The following NACC2 variants were observed in gnomAD, a reference collection of about 807,000 sequenced individuals.
NACC2 encodes the protein NACC family member 2.
In NACC2, 8 loss-of-function variants were observed where a neutral mutation model predicts 25.1. The ratio of observed to expected loss-of-function variants is 0.32; its 90% CI spans 0.19 to 0.57. The LOEUF (loss-of-function observed/expected upper bound fraction) is 0.57. Among genes scored for constraint, NACC2 ranks in the 20% least tolerant of loss-of-function variants. The pLI, the probability that NACC2 is intolerant of heterozygous loss-of-function variation, is 0.89. For synonymous variants in NACC2, 435 were observed against 294.7 expected (o/e 1.48, Z -4.88); for missense variants, 644 against 650.2 (o/e 0.99, Z 0.10).
chr9:136,086,061 A>AG lies in NACC2; in HGVS notation c.-60+9127dup, dbSNP rs1830376209. Among the ~76,000 whole-genome samples, 1 of 152,224 alleles carries AG rather than the reference A, an allele frequency of 6.6e-6. No individual in the cohort carries two copies. Among genetic ancestry groups the AG allele is most frequent in the Non-Finnish European group, 1.5e-5 (1 of 68,030 alleles). On this transcript the variant is annotated intron_variant, in intron 1 of 5. Transcript: ENST00000277554. This position sits in a 1 kb window ranked among gnomAD's most constrained non-coding sequence, Gnocchi z 5.6. ...AGAGCCCGGAGTCCGGGCGCCACGC[A>AG]GGGCAGCTCCGACGGGCAGGAGCCG...
At position 136,013,949 on chromosome 9, in the gene NACC2, G is replaced by A. The variant is rs1215088655; in HGVS notation, c.1072C>T (p.Arg358Cys). 2.5e-6 allele frequency: 4 copies of A among 1,611,650 alleles called. No individual in the cohort carries two copies. Among genetic ancestry groups the A allele is most frequent in the African/African-American group, 1.3e-5 (1 of 74,818 alleles). Residue 358 changes from arginine to cysteine, a missense_variant, in exon 4 of 6, where the codon CGC becomes TGC. Arg to Cys is a radical substitution (Grantham distance 180). Transcript: ENST00000277554. The surrounding 1 kb of genome is among the most constrained non-coding windows in gnomAD (Gnocchi z 6.6). ...AGGTGGCAGTTCATCAGCTGGCCGC[G>A]TGTGATGTAGACCCCAGAGCCTGCA... ...LVAGSGVYITRGQLMNCHLCA... is the reference protein window; with the variant it reads ...LVAGSGVYITCGQLMNCHLCA...
rs112413089 is a variant in NACC2 at position 136,009,859 on chromosome 9, C to T, written c.*1657G>A. 0.022 allele frequency: 3,422 copies of T among 152,208 alleles called. 122 individuals are homozygous for T. The highest frequency in any genetic ancestry group is 0.072 in the African/African-American group (2,975 of 41,450). 9.4% of individuals were successfully genotyped at this position (152,208 alleles called of 1,614,324 possible). ...GCACACCGGAGGGGGTGCTGATGGG[C>T]GCAGGGCTGCACTTGTTTTGCAAGT... On this transcript the variant is annotated 3_prime_UTR_variant, in exon 6 of 6. Transcript: ENST00000277554.
At chr9:136,072,169 C>T (rs138498900) in intron 1 of NACC2, among the ~76,000 whole-genome samples, 2,205 of 151,866 alleles carry the variant, frequency 0.015, 32 homozygotes, top group Non-Finnish European at 0.021. Flanking sequence ...AACCGGGAGG[C>T]GGAGGTTGCA....
Position 136,011,785 on chromosome 9 carries a change from G to C in NACC2, c.1495C>G (p.Arg499Gly), listed in dbSNP as rs1362028619. The C allele has an allele frequency of 3.9e-6, 6 of 1,552,398 alleles. No homozygotes were observed. Among genetic ancestry groups the C allele is most frequent in the Non-Finnish European group, 5.2e-6 (6 of 1,148,774 alleles). The change falls in exon 6 of 6, where the codon CGG (arginine) becomes GGG (glycine). Residue 499 changes from arginine (R) to glycine (G), a missense_variant. Arg to Gly is a moderately radical substitution (Grantham distance 125). Coordinates refer to ENST00000277554, the MANE Select transcript of NACC2 (RefSeq NM_144653.5). ...ACGATGGTGGCGGCGTCGCCCCGCCGCTCGGCGTAGATGCGTTGCTCGAAC... is the reference window on the plus strand; with the variant it reads ...ACGATGGTGGCGGCGTCGCCCCGCCCCTCGGCGTAGATGCGTTGCTCGAAC... ...QVFEQRIYAE[R>G]RGDAATIVAL...
At chr9:136,047,582 G>A (rs1840750038) in intron 2 of NACC2, among the ~76,000 whole-genome samples, 1 of 152,220 alleles carries the variant, frequency 6.6e-6, no homozygotes, top group African/African-American at 2.4e-5. Context: ...ACAAAGCCCT[G>A]CAGGAACATG....
Position 136,074,935 on chromosome 9 carries a change from T to A in NACC2, c.-60+20254A>T, listed in dbSNP as rs117815158. 1.2e-3 allele frequency among the ~76,000 whole-genome samples: 182 copies of A among 152,284 alleles called. 2 individuals carry two copies. The East Asian group carries it at 0.034, about 28-fold the overall frequency. On this transcript the variant is annotated intron_variant, in intron 1 of 5. Transcript: ENST00000277554. ...GGCGGGAATGGGTTCTCGCACGGCC[T>A]CCTTCTGGGAGCCCGGGAGCTCTGT...
chr9:136,047,616 C>G (rs988925261), intron 2 of NACC2, among the ~76,000 whole-genome samples: 1 of 152,258 alleles, frequency 6.6e-6, no homozygotes, highest in Admixed American at 6.5e-5. Flanking sequence ...CCCCACCCCT[C>G]AGCCCCAATG....
At chr9:136,017,403 C>T (rs1022908455) in intron 2 of NACC2, among the ~76,000 whole-genome samples, 3 of 152,236 alleles carry the variant, frequency 2.0e-5, no homozygotes, top group East Asian at 3.9e-4. Flanking sequence ...CCTCATCTGA[C>T]GACCACCTGC....
At chr9:136,066,535 C>T (rs534871378) in intron 1 of NACC2, among the ~76,000 whole-genome samples, 8 of 152,232 alleles carry the variant, frequency 5.3e-5, no homozygotes, top group South Asian at 2.1e-4. Context: ...ATGTAGCGAT[C>T]GGGAATGCAA....
At chr9:136,042,861 CACAGAGACAA>C (rs1315037176) in intron 2 of NACC2, among the ~76,000 whole-genome samples, 1 of 147,860 alleles carries the variant, frequency 6.8e-6, no homozygotes. Flanking sequence ...CACACAGAGA[CACAGAGACAA>C]ACAGACACAC....
At chr9:136,079,958 C>T (rs1472621736) in intron 1 of NACC2, among the ~76,000 whole-genome samples, 3 of 152,226 alleles carry the variant, frequency 2.0e-5, no homozygotes, top group African/African-American at 7.2e-5. Flanking sequence ...GGAGAGGCGG[C>T]CCTCCTGGAG....
chr9:136,057,371 G>A (rs1266901510), intron 1 of NACC2, among the ~76,000 whole-genome samples: 1 of 152,180 alleles, frequency 6.6e-6, no homozygotes, highest in Non-Finnish European at 1.5e-5. Context: ...CTCGAAGGGT[G>A]GGGAGGGACA....
intron 1 of NACC2, among the ~76,000 whole-genome samples, chr9:136,079,715 C>T (rs909839052): frequency 1.3e-5 from 2 of 152,216 alleles, no homozygotes; most frequent in African/African-American, 4.8e-5. Context: ...AGCGTGGCTG[C>T]AGAAGCCAGA....
intron 2 of NACC2, among the ~76,000 whole-genome samples, chr9:136,030,345 C>T (rs537859159): frequency 6.6e-6 from 1 of 152,236 alleles, no homozygotes; most frequent in Non-Finnish European, 1.5e-5. Flanking sequence ...CGCGGTGGCT[C>T]ACGCCTGTAA....
chr9:136,056,991 G>A (rs1385790174), intron 1 of NACC2, among the ~76,000 whole-genome samples: 1 of 152,224 alleles, frequency 6.6e-6, no homozygotes, highest in East Asian at 1.9e-4. Context: ...GACACAGCAG[G>A]GGGTCTCTGG....
intron 1 of NACC2, among the ~76,000 whole-genome samples, chr9:136,063,318 T>TG (rs1841037858): frequency 6.6e-6 from 1 of 152,208 alleles, no homozygotes; most frequent in South Asian, 2.1e-4. Flanking sequence ...GCTGATCCTG[T>TG]GGAGATGCCT....
chr9:136,067,891 T>C (rs975726946), intron 1 of NACC2, among the ~76,000 whole-genome samples: 5 of 152,224 alleles, frequency 3.3e-5, no homozygotes, highest in African/African-American at 9.6e-5. Context: ...TTAGGCTATA[T>C]GGCATAGCCT....
In NACC2 at chr9:136,012,152, G is replaced by A. The variant is rs1052175709; in HGVS notation, c.1256-128C>T. ...GCTCCTGGGGCCCATGTGACCACCT[G>A]GGGCTCTCCTGGCCTCAGCCAGAAG... On this transcript the variant is annotated intron_variant, in intron 5 of 5. Coordinates refer to ENST00000277554, the MANE Select transcript of NACC2 (RefSeq NM_144653.5). The A allele has an allele frequency of 8.3e-6, 10 of 1,198,030 alleles. No homozygotes were observed. The African/African-American group carries it at 1.1e-4, about 13-fold the overall frequency. 74.2% of individuals were successfully genotyped at this position (1,198,030 alleles called of 1,614,324 possible). A position where few individuals can be genotyped will look rare whatever the true frequency, so the allele number is the denominator to read the frequency against.
At chr9:136,061,479 T>G (rs567213021) in intron 1 of NACC2, among the ~76,000 whole-genome samples, 1 of 152,268 alleles carries the variant, frequency 6.6e-6, no homozygotes, top group Non-Finnish European at 1.5e-5. Flanking sequence ...CCCATGGCAT[T>G]TGGCCGCAGG....
Sources: allele counts gnomAD v4.1 joint callset (sites outside exome capture counted in the v4.1 genomes callset), GRCh38; gene constraint gnomAD v4.1.1; non-coding constraint Gnocchi (gnomAD v3.1); transcripts MANE v1.5; gene names NCBI Gene and HGNC (gene_info 2026-07-23, HGNC 2026-07-21).